RICTOR: variants seen among roughly 807,000 people sequenced by gnomAD.
RICTOR encodes the protein rapamycin-insensitive companion of mTOR.
In RICTOR, 49 loss-of-function variants were observed where a neutral mutation model predicts 214.9. That is an observed-to-expected ratio of 0.23 (90% CI 0.18 to 0.29). RICTOR has a LOEUF of 0.29. Among genes scored for constraint, RICTOR ranks in the 10% least tolerant of loss-of-function variants. The pLI, the probability that RICTOR is intolerant of heterozygous loss-of-function variation, is 1.00. For missense variants in RICTOR, 1,625 were observed against 2,047.0 expected, an observed-to-expected ratio of 0.79 and a Z score of 3.98; for synonymous variants, 717 against 711.3, an observed-to-expected ratio of 1.01 and a Z score of -0.13.
At chr5:38,995,077 C>G (rs1339965334) in intron 6 of RICTOR, among the ~76,000 whole-genome samples, 1 of 152,136 alleles carries the variant, frequency 6.6e-6, no homozygotes. Flanking sequence ...ACTCGTTTAT[C>G]AAGACAAAAT....
chr5:39,057,257 A>G (rs746800990), intron 2 of RICTOR, among the ~76,000 whole-genome samples: 3 of 152,134 alleles, frequency 2.0e-5, no homozygotes, highest in Non-Finnish European at 4.4e-5. Flanking sequence ...AGAATTTTAA[A>G]ATGTTTTGAA....
intron 8 of RICTOR, among the ~76,000 whole-genome samples, chr5:38,980,159 T>G (rs1751584580): frequency 6.6e-6 from 1 of 152,210 alleles, no homozygotes; most frequent in African/African-American, 2.4e-5. Context: ...TTTATTTCTC[T>G]TCTTGAACAA....
At chr5:39,013,279 A>G (rs1463593056) in intron 3 of RICTOR, among the ~76,000 whole-genome samples, 5 of 152,308 alleles carry the variant, frequency 3.3e-5, no homozygotes, top group Middle Eastern at 3.4e-3. Flanking sequence ...AACAAATACT[A>G]TTATACAAAT....
At chr5:39,050,171 T>C (rs1757745662) in intron 2 of RICTOR, among the ~76,000 whole-genome samples, 1 of 150,256 alleles carries the variant, frequency 6.7e-6, no homozygotes. Context: ...CTTTTTTACA[T>C]ATATAAATAT....
At chr5:39,012,166 T>A (rs1331281555) in intron 3 of RICTOR, among the ~76,000 whole-genome samples, 1 of 152,158 alleles carries the variant, frequency 6.6e-6, no homozygotes, top group East Asian at 1.9e-4. Flanking sequence ...TCTCATGAGA[T>A]CTGAGAGAAC....
At chr5:38,981,079 A>G (rs1441869193) in intron 8 of RICTOR, 1 of 152,198 alleles carries the variant, frequency 6.6e-6, no homozygotes, top group Non-Finnish European at 1.5e-5. Context: ...GCTAATGTCA[A>G]TTTTATAATG....
At chr5:38,966,495 G>A (rs1359477852) in intron 15 of RICTOR, 146 bp downstream of exon 15, 1 of 609,882 alleles carries the variant, frequency 1.6e-6, no homozygotes, top group Non-Finnish European at 2.9e-6. Context: ...ACAGTACCAA[G>A]GGCTTTTTCT....
intron 8 of RICTOR, among the ~76,000 whole-genome samples, chr5:38,980,674 C>T (rs1245052677): frequency 2.6e-5 from 4 of 152,054 alleles, no homozygotes; most frequent in Non-Finnish European, 5.9e-5. Flanking sequence ...GGCAAAGCCC[C>T]GTCTCTACAA....
At chr5:39,073,516 G>A (rs1038579628) in intron 2 of RICTOR, among the ~76,000 whole-genome samples, 15 of 152,142 alleles carry the variant, frequency 9.9e-5, no homozygotes, top group Admixed American at 4.6e-4. Flanking sequence ...GCCCGGGAAA[G>A]GGAAGCAGAA....
chr5:39,059,070 C>T (rs1329384053), intron 2 of RICTOR, among the ~76,000 whole-genome samples: 1 of 151,980 alleles, frequency 6.6e-6, no homozygotes, highest in Admixed American at 6.6e-5. Context: ...TCATATAAAC[C>T]CACTGACAAT....
At position 38,964,821 on chromosome 5, in the gene RICTOR, T is replaced by C. The variant is rs1248448801; in HGVS notation, c.1371A>G (p.Ala457=). The C allele has an allele frequency of 1.9e-6, 3 of 1,601,940 alleles. No homozygotes were observed. The highest frequency in any genetic ancestry group is 2.6e-6 in the Non-Finnish European group (3 of 1,171,266). ...TCTTTTCCTTGGGGATATCAAAGGA[T>C]GCAGCCATATTCATTAGGGTTGGCA... ...HCLPTLMNMA[A]SFDIPKEKRL... is the part of the protein sequence containing the mutation. The change falls in exon 16 of 38, where the codon GCA becomes GCG. Residue 457 remains alanine, a synonymous_variant. Coordinates refer to ENST00000357387, the MANE Select transcript of RICTOR (RefSeq NM_152756.5).
At chr5:38,983,502 G>C (rs568410209) in intron 7 of RICTOR, among the ~76,000 whole-genome samples, 1 of 152,234 alleles carries the variant, frequency 6.6e-6, no homozygotes, top group Non-Finnish European at 1.5e-5. Flanking sequence ...CTAATTAATA[G>C]TTACAAGGAT....
At chr5:39,012,267 TC>T (rs1022400325) in intron 3 of RICTOR, among the ~76,000 whole-genome samples, 23 of 152,158 alleles carry the variant, frequency 1.5e-4, no homozygotes, top group Non-Finnish European at 1.2e-4. Flanking sequence ...GGAGCTGCCT[TC>T]CCCCTTCACT....
chr5:39,008,235 A>G (rs984811202), intron 3 of RICTOR, among the ~76,000 whole-genome samples: 1 of 152,132 alleles, frequency 6.6e-6, no homozygotes, highest in African/African-American at 2.4e-5. Context: ...TTTTTTAACA[A>G]CAACTCCTCT....
At chr5:39,071,857 T>A (rs1759350014) in intron 2 of RICTOR, among the ~76,000 whole-genome samples, 1 of 152,230 alleles carries the variant, frequency 6.6e-6, no homozygotes, top group Admixed American at 6.5e-5. Context: ...CAAAAAAATT[T>A]TTGGTTGCCC....
At chr5:38,955,836 C>T (rs1749214275) in intron 25 of RICTOR, 132 bp from the exon 26 acceptor site, 1 of 602,188 alleles carries the variant, frequency 1.7e-6, no homozygotes. Flanking sequence ...TATCCATAAG[C>T]TTTTGGCTCA....
intron 36 of RICTOR, among the ~76,000 whole-genome samples, chr5:38,943,613 G>A (rs1266172812): frequency 6.6e-6 from 1 of 152,108 alleles, no homozygotes; most frequent in Non-Finnish European, 1.5e-5. Flanking sequence ...AGGAGTTTGA[G>A]ACCAACCTGG....
At chr5:39,071,831 C>G (rs1005412598) in intron 2 of RICTOR, among the ~76,000 whole-genome samples, 7 of 152,208 alleles carry the variant, frequency 4.6e-5, no homozygotes, top group Non-Finnish European at 1.5e-5. Context: ...AAAGCAAACA[C>G]TGCCTTGGCA....
At chr5:39,006,181 C>G (rs1754038166) in intron 3 of RICTOR, among the ~76,000 whole-genome samples, 4 of 152,188 alleles carry the variant, frequency 2.6e-5, no homozygotes, top group Admixed American at 1.3e-4. Flanking sequence ...GTTGAAGCAG[C>G]TTATTTGTAC....
Sources: allele counts gnomAD v4.1 joint callset (sites outside exome capture counted in the v4.1 genomes callset), GRCh38; gene constraint gnomAD v4.1.1; transcripts MANE v1.5; gene names NCBI Gene and HGNC (gene_info 2026-07-23, HGNC 2026-07-21).